Variants in ARL3 observed in about 807,000 individuals in gnomAD.
ARL3 encodes ADP-ribosylation factor-like protein 3.
ARL3 carries 9 observed loss-of-function variants against 26.0 expected under a neutral mutation model. That is an observed-to-expected ratio of 0.35 (90% CI 0.21 to 0.60). The LOEUF (loss-of-function observed/expected upper bound fraction) is 0.60, where lower values mean the gene tolerates loss of function less well. Among genes scored for constraint, ARL3 ranks in the 20% least tolerant of loss-of-function variants. ARL3 has a pLI of 0.78. For missense variants in ARL3, 158 were observed against 215.7 expected (o/e 0.73, Z 1.67); for synonymous variants, 71 against 78.4 (o/e 0.91, Z 0.50).
chr10:102,698,520 G>GC lies in ARL3; in HGVS notation c.264+852dup, dbSNP rs112551819. 4.6e-5 allele frequency among the ~76,000 whole-genome samples: 7 copies of GC among 152,264 alleles called. 1 individual carries two copies. The highest frequency in any genetic ancestry group is 1.7e-4 in the African/African-American group (7 of 41,530). ...ATTTTTCTCCCATCTAAGTTCATGA[G>GC]CCCCCCTAGTTTTAGGGTATGATTA... On this transcript the variant is annotated intron_variant, in intron 3 of 5. Coordinates refer to ENST00000260746, the MANE Select transcript of ARL3 (RefSeq NM_004311.4).
chr10:102,706,333 T>C (rs1441589004), intron 1 of ARL3, among the ~76,000 whole-genome samples: 1 of 151,882 alleles, frequency 6.6e-6, no homozygotes, highest in African/African-American at 2.4e-5. Flanking sequence ...CGCTTTGTAG[T>C]CCCACCTACT....
chr10:102,688,418 G>GAGA (rs1309506291), intron 4 of ARL3, among the ~76,000 whole-genome samples: 1 of 152,002 alleles, frequency 6.6e-6, no homozygotes, highest in Non-Finnish European at 1.5e-5. Context: ...ACATAAACAT[G>GAGA]AGAACTGCTA....
In ARL3 at chr10:102,685,921, T is replaced by C. The variant is rs753503964; in HGVS notation, c.396A>G (p.Thr132=). ...CTGCAATTTCAGAGGCAGGGGCTGCTGTGAGCAAATCCTGCTTATTAGCAA... is the reference window on the plus strand; with the variant it reads ...CTGCAATTTCAGAGGCAGGGGCTGCCGTGAGCAAATCCTGCTTATTAGCAA... The part of the protein sequence containing the change: ...LIFANKQDLL[T]AAPASEIAEG... Residue 132 remains threonine, a synonymous_variant, in exon 5 of 6, where the codon ACA becomes ACG. Transcript: ENST00000260746. The C allele has an allele frequency of 6.2e-7, 1 of 1,614,230 alleles. No homozygotes were observed. Among genetic ancestry groups the C allele is most frequent in the Non-Finnish European group, 8.5e-7 (1 of 1,180,048 alleles).
chr10:102,708,489 C>A (rs932880230), intron 1 of ARL3, among the ~76,000 whole-genome samples: 1 of 152,144 alleles, frequency 6.6e-6, no homozygotes, highest in African/African-American at 2.4e-5. Flanking sequence ...TTAAATGACA[C>A]AGGCAAAGTT....
At chr10:102,692,617 T>TGCTGGCCAG (rs1195169299) in intron 3 of ARL3, among the ~76,000 whole-genome samples, 1 of 152,150 alleles carries the variant, frequency 6.6e-6, no homozygotes, top group South Asian at 2.1e-4. Flanking sequence ...GGTTTCGCCA[T>TGCTGGCCAG]GCTGGCCAGG....
chr10:102,700,408 C>CAAATAAA (rs1462367946), intron 2 of ARL3, among the ~76,000 whole-genome samples: 1 of 89,478 alleles, frequency 1.1e-5, no homozygotes, highest in Non-Finnish European at 2.0e-5. Context: ...GATTCCATCT[C>CAAATAAA]AAAAAAAAAA....
intron 1 of ARL3, among the ~76,000 whole-genome samples, chr10:102,708,422 G>A (rs2064320456): frequency 6.6e-6 from 1 of 151,990 alleles, no homozygotes; most frequent in Non-Finnish European, 1.5e-5. Flanking sequence ...AAAAGAAGAG[G>A]TCTCATTACC....
chr10:102,713,071 C>A (rs917010567), intron 1 of ARL3, among the ~76,000 whole-genome samples: 9 of 123,956 alleles, frequency 7.3e-5, no homozygotes, highest in African/African-American at 2.6e-4. Context: ...TTTTCCTGGG[C>A]ATCTAGTTTT....
chr10:102,700,425 C>T (rs1350449622), intron 2 of ARL3, among the ~76,000 whole-genome samples: 3 of 53,088 alleles, frequency 5.7e-5, no homozygotes, highest in African/African-American at 7.1e-5. Flanking sequence ...AAAAAAAGTG[C>T]TTTCATAGGG....
chr10:102,684,014 C>T (rs1590119828), intron 5 of ARL3, among the ~76,000 whole-genome samples: 1 of 152,196 alleles, frequency 6.6e-6, no homozygotes, highest in Admixed American at 6.5e-5. Context: ...TTTTCTTCAA[C>T]ACTCTGGTCA....
intron 5 of ARL3, among the ~76,000 whole-genome samples, chr10:102,678,725 AT>A (rs779314041): frequency 1.4e-4 from 21 of 152,254 alleles, no homozygotes; most frequent in Admixed American, 3.3e-4. Context: ...CTGAACATGA[AT>A]GCAGGCAAAG....
chr10:102,689,194 G>A (rs558013605), intron 4 of ARL3, among the ~76,000 whole-genome samples: 7 of 151,514 alleles, frequency 4.6e-5, no homozygotes, highest in South Asian at 2.1e-4. Flanking sequence ...GCGTGGTGGC[G>A]CACGCCTGTA....
Position 102,676,381 on chromosome 10 carries a change from G to T in ARL3, c.*513C>A, listed in dbSNP as rs1037681276. The T allele has an allele frequency of 2.6e-5, 4 of 152,496 alleles. No individual in the cohort carries two copies. The highest frequency in any genetic ancestry group is 5.8e-5 in the Non-Finnish European group (4 of 68,470). The allele number at this position is 152,496 out of a possible 1,614,324, so 9.4% of individuals were successfully genotyped here. A position where few individuals can be genotyped will look rare whatever the true frequency, so the allele number is the denominator to read the frequency against. On this transcript the variant is annotated 3_prime_UTR_variant, in exon 6 of 6. Transcript: ENST00000260746. The stretch of plus-strand genomic sequence containing the variant: ...CCCCACCCCCACCCAGCAGCTTCCT[G>T]TCGGACAGACTGAAGCCTGGCTGGG...
chr10:102,697,349 T>A (rs939937008), intron 3 of ARL3, among the ~76,000 whole-genome samples: 2 of 152,156 alleles, frequency 1.3e-5, no homozygotes, highest in African/African-American at 4.8e-5. Context: ...CAGCTAATTT[T>A]CATATTTTTA....
intron 4 of ARL3, among the ~76,000 whole-genome samples, chr10:102,689,408 G>C (rs2064204903): frequency 6.6e-6 from 1 of 152,142 alleles, no homozygotes; most frequent in Admixed American, 6.5e-5. Flanking sequence ...TAGAATAACT[G>C]TCTTGTTTGA....
chr10:102,704,932 T>C (rs1590127758), intron 2 of ARL3, among the ~76,000 whole-genome samples: 1 of 151,816 alleles, frequency 6.6e-6, no homozygotes, highest in Admixed American at 6.5e-5. Flanking sequence ...TACTGTGAAG[T>C]GTGTCTGCGT....
intron 1 of ARL3, among the ~76,000 whole-genome samples, chr10:102,712,379 C>T (rs943061867): frequency 1.3e-5 from 2 of 152,152 alleles, no homozygotes. Flanking sequence ...GTTTTAAGAA[C>T]AGCTCACGCT....
In ARL3 at chr10:102,682,666, T is replaced by C. The variant is rs566654420; in HGVS notation, c.501+3150A>G. 1.5e-4 allele frequency among the ~76,000 whole-genome samples: 23 copies of C among 152,322 alleles called. No homozygotes were observed. The East Asian group carries it at 4.4e-3, about 29-fold the overall frequency. The stretch of plus-strand genomic sequence containing the variant: ...GCAGCTCCATGGCTGTTTCCTTAAC[T>C]CGCCCCCGTGAGGCTACCTATTGTT... On this transcript the variant is annotated intron_variant, in intron 5 of 5. Transcript: ENST00000260746.
At chr10:102,685,111 T>C (rs1250350311) in intron 5 of ARL3, among the ~76,000 whole-genome samples, 1 of 151,344 alleles carries the variant, frequency 6.6e-6, no homozygotes, top group African/African-American at 2.4e-5. Flanking sequence ...TAGCTGGGTG[T>C]GGTGGTGAAT....
Sources: gnomAD v4.1 joint callset for allele counts (sites outside exome capture counted in the v4.1 genomes callset) on GRCh38, gnomAD v4.1.1 for gene constraint, MANE v1.5 for transcripts, NCBI Gene and HGNC (gene_info 2026-07-23, HGNC 2026-07-21) for gene names.